CSMD1: variants seen among roughly 807,000 people sequenced by gnomAD.
CSMD1 encodes the protein CUB and Sushi multiple domains 1.
CSMD1 carries 213 observed loss-of-function variants against 417.5 expected under a neutral mutation model. The observed-to-expected ratio is 0.51, with a 90% confidence interval of 0.46 to 0.57. The LOEUF is 0.57. Among genes scored for constraint, CSMD1 ranks in the 20% least tolerant of loss-of-function variants. The probability of loss-of-function intolerance (pLI) is 0.00; values close to 1 mark genes in which losing one functional copy is unlikely to be tolerated. For missense variants in CSMD1, 6,923 were observed against 4,529.7 expected, an observed-to-expected ratio of 1.53 and a Z score of -15.17; for synonymous variants, 2,862 against 1,736.8, an observed-to-expected ratio of 1.65 and a Z score of -16.11.
At chr8:4,590,997 G>C (rs951132279) in intron 2 of CSMD1, among the ~76,000 whole-genome samples, 10 of 152,152 alleles carry the variant, frequency 6.6e-5, no homozygotes, top group African/African-American at 2.4e-4. Context: ...TATCTCACCT[G>C]TGGCCTGCCT....
At chr8:4,217,733 T>C (rs930265838) in intron 3 of CSMD1, among the ~76,000 whole-genome samples, 13 of 152,162 alleles carry the variant, frequency 8.5e-5, no homozygotes, top group African/African-American at 2.9e-4. Context: ...ATGACTTCTA[T>C]ACTCTACGGT....
At chr8:4,895,320 C>A (rs184419221) in intron 1 of CSMD1, among the ~76,000 whole-genome samples, 1 of 152,120 alleles carries the variant, frequency 6.6e-6, no homozygotes, top group Non-Finnish European at 1.5e-5. Context: ...GTCTTTGTTT[C>A]TCTCCAATAT....
intron 12 of CSMD1, among the ~76,000 whole-genome samples, chr8:3,412,570 A>G (rs1812880324): frequency 6.6e-6 from 1 of 152,180 alleles, no homozygotes; most frequent in African/African-American, 2.4e-5. Flanking sequence ...GATATCACCA[A>G]CTTCTGTGAA....
In CSMD1 at chr8:4,685,074, G is replaced by A. The variant is rs183233266; in HGVS notation, c.86-47516C>T. On this transcript the variant is annotated intron_variant, in intron 1 of 69. Coordinates refer to ENST00000635120, the MANE Select transcript of CSMD1 (RefSeq NM_033225.6). The stretch of plus-strand genomic sequence containing the variant: ...CTTCTGACCCTTACCCAGTTATCGA[G>A]CAACTCCAACATATTTACTGCCTTC... Among the ~76,000 whole-genome samples, 127 of 152,236 alleles carry A rather than the reference G, an allele frequency of 8.3e-4. 1 individual carries two copies. The highest frequency in any genetic ancestry group is 5.6e-4 in the Non-Finnish European group (38 of 68,022).
intron 10 of CSMD1, among the ~76,000 whole-genome samples, chr8:3,538,790 C>T (rs1798314393): frequency 6.6e-6 from 1 of 152,214 alleles, no homozygotes; most frequent in African/African-American, 2.4e-5. Flanking sequence ...CCACACTTCT[C>T]CACTTGCACC....
intron 3 of CSMD1, among the ~76,000 whole-genome samples, chr8:4,062,540 G>T (rs187526031): frequency 2.0e-4 from 30 of 152,250 alleles, no homozygotes; most frequent in Admixed American, 1.8e-3. Context: ...CTGTGGCATT[G>T]ACATGAACAA....
intron 21 of CSMD1, among the ~76,000 whole-genome samples, chr8:3,353,208 G>T (rs1241793690): frequency 1.3e-5 from 2 of 152,324 alleles, no homozygotes; most frequent in African/African-American, 4.8e-5. Flanking sequence ...GCTGCTGAGG[G>T]AAGCAACTTT....
At chr8:4,051,183 CTGAGAATCT>C (rs1798405466) in intron 3 of CSMD1, among the ~76,000 whole-genome samples, 3 of 15,608 alleles carry the variant, frequency 1.9e-4, no homozygotes, top group South Asian at 3.4e-3. Context: ...ACAATCCCTG[CTGAGAATCT>C]CTGCTGAGAG....
chr8:3,500,198 C>T (rs138322671), intron 10 of CSMD1, among the ~76,000 whole-genome samples: 1 of 152,294 alleles, frequency 6.6e-6, no homozygotes, highest in Non-Finnish European at 1.5e-5. Context: ...TCTGTTGCTT[C>T]AGTACAGTGT....
intron 5 of CSMD1, among the ~76,000 whole-genome samples, chr8:3,782,238 G>C (rs868607220): frequency 4.9e-4 from 75 of 152,282 alleles, no homozygotes; most frequent in Middle Eastern, 6.8e-3. Flanking sequence ...TCAGTCACCA[G>C]GATGTTAGTT....
chr8:4,276,781 A>T (rs575600806), intron 3 of CSMD1, among the ~76,000 whole-genome samples: 1 of 152,180 alleles, frequency 6.6e-6, no homozygotes, highest in South Asian at 2.1e-4. Flanking sequence ...CCCTCAGGGG[A>T]AAGAAAAATA....
At chr8:4,686,283 G>A (rs1206448583) in intron 1 of CSMD1, among the ~76,000 whole-genome samples, 4 of 152,118 alleles carry the variant, frequency 2.6e-5, no homozygotes, top group East Asian at 3.9e-4. Context: ...TCTTTTCAAC[G>A]GCCCATTAAA....
chr8:3,750,016 G>C (rs575947957), intron 6 of CSMD1, among the ~76,000 whole-genome samples: 5 of 152,168 alleles, frequency 3.3e-5, no homozygotes, highest in Admixed American at 1.3e-4. Flanking sequence ...TCTACCAATA[G>C]TGCAAAAAAT....
chr8:4,975,260 C>T (rs17071976), intron 1 of CSMD1, among the ~76,000 whole-genome samples: 10,148 of 152,102 alleles, frequency 0.067, 1,068 homozygotes, highest in African/African-American at 0.23. Flanking sequence ...TTAATTTCAA[C>T]TTACGCTTAT....
At chr8:4,094,351 C>T (rs1426845804) in intron 3 of CSMD1, among the ~76,000 whole-genome samples, 1 of 152,032 alleles carries the variant, frequency 6.6e-6, no homozygotes, top group East Asian at 1.9e-4. Context: ...GTGAGCTGGA[C>T]TCATGGGTAA....
chr8:4,833,704 A>G (rs2116730797), intron 1 of CSMD1, among the ~76,000 whole-genome samples: 1 of 152,284 alleles, frequency 6.6e-6, no homozygotes, highest in East Asian at 1.9e-4. Context: ...TATCTAGTGG[A>G]AGGAGGGTGA....
intron 25 of CSMD1, among the ~76,000 whole-genome samples, chr8:3,306,476 C>G (rs1335111067): frequency 6.6e-6 from 1 of 152,154 alleles, no homozygotes; most frequent in Non-Finnish European, 1.5e-5. Flanking sequence ...TGACTTTGAC[C>G]TGTAACTTTT....
At chr8:4,765,807 T>C (rs953910556) in intron 1 of CSMD1, among the ~76,000 whole-genome samples, 1 of 152,162 alleles carries the variant, frequency 6.6e-6, no homozygotes, top group Non-Finnish European at 1.5e-5. Flanking sequence ...GAAAGGTAGC[T>C]GGATGTGGAG....
Position 4,159,659 on chromosome 8 carries a change from G to C in CSMD1, c.416-127560C>G, listed in dbSNP as rs189729717. ...GCTGGAGCACAGTGGCGCGATCTCGGCTCACTGCAAGCTCCCCCTCCCGGG... is the reference window on the plus strand; with the variant it reads ...GCTGGAGCACAGTGGCGCGATCTCGCCTCACTGCAAGCTCCCCCTCCCGGG... On this transcript the variant is annotated intron_variant, in intron 3 of 69. Coordinates refer to ENST00000635120, the MANE Select transcript of CSMD1 (RefSeq NM_033225.6). Among the ~76,000 whole-genome samples, 1,088 of 152,204 alleles carry C rather than the reference G, an allele frequency of 7.1e-3. 45 individuals are homozygous for C. The East Asian group carries it at 0.1, about 14-fold the overall frequency.
Sources: allele counts gnomAD v4.1 joint callset (sites outside exome capture counted in the v4.1 genomes callset), GRCh38; gene constraint gnomAD v4.1.1; transcripts MANE v1.5; gene names NCBI Gene and HGNC (gene_info 2026-07-23, HGNC 2026-07-21).